Variants in SPG11 observed in about 807,000 individuals in gnomAD.
SPG11 encodes spatacsin.
SPG11 carries 222 observed loss-of-function variants against 274.0 expected under a neutral mutation model. The ratio of observed to expected loss-of-function variants is 0.81; its 90% CI spans 0.73 to 0.91. SPG11 has a LOEUF of 0.91. Among genes scored for constraint, SPG11 ranks in the 40% least tolerant of loss-of-function variants. The pLI is 0.00. For synonymous variants in SPG11, 1,144 were observed against 1,039.7 expected (o/e 1.10, Z -1.93); for missense variants, 3,114 against 2,872.7 (o/e 1.08, Z -1.92).
At chr15:44,581,597 T>TAAA (rs201318366) in intron 30 of SPG11, among the ~76,000 whole-genome samples, 1 of 134,260 alleles carries the variant, frequency 7.4e-6, no homozygotes, top group Non-Finnish European at 1.6e-5. Context: ...AACTGATTAT[T>TAAA]AAAAAAAAAA....
At chr15:44,609,266 G>A (rs2083398429) in intron 18 of SPG11, among the ~76,000 whole-genome samples, 1 of 151,866 alleles carries the variant, frequency 6.6e-6, no homozygotes, top group African/African-American at 2.4e-5. Flanking sequence ...GGAGTAGCTG[G>A]GACTACAGGC....
At position 44,592,405 on chromosome 15, in the gene SPG11, C is replaced by T. The variant is rs369076294; in HGVS notation, c.4669G>A (p.Glu1557Lys). 5 of 1,609,894 alleles carry T rather than the reference C, an allele frequency of 3.1e-6. No individual in the cohort carries two copies. The African/African-American group carries it at 6.7e-5, about 22-fold the overall frequency. ...SPLLLVMEMYELCMFFRNYKE... is the reference protein window; with the variant it reads ...SPLLLVMEMYKLCMFFRNYKE... ...TAATTCCTGAAGAACATACACAGTT[C>T]ATACATCTCCATCACCAGTAGTAAC... is the stretch of plus-strand genomic sequence containing the variant. Residue 1557 changes from glutamate (E) to lysine (K), a missense_variant, in exon 27 of 40, where the codon GAA (glutamate) becomes AAA (lysine). Coordinates refer to ENST00000261866, the MANE Select transcript of SPG11 (RefSeq NM_025137.4).
Position 44,652,268 on chromosome 15 carries a change from T to C in SPG11, c.870-2A>G. 3 of 1,614,008 alleles carry C rather than the reference T, an allele frequency of 1.9e-6. No individual in the cohort carries two copies. The highest frequency in any genetic ancestry group is 2.5e-6 in the Non-Finnish European group (3 of 1,179,962). ...CACAGTAGGTGTCCTGGGTGTTGCC[T>C]ACATTTAAAAATAATGATAGACATA... On this transcript the variant is annotated splice_acceptor_variant, in intron 4 of 39. Coordinates refer to ENST00000261866, the MANE Select transcript of SPG11 (RefSeq NM_025137.4). LOFTEE classifies it high-confidence loss of function.
At chr15:44,564,999 A>G (rs986264232) in intron 38 of SPG11, among the ~76,000 whole-genome samples, 5 of 152,186 alleles carry the variant, frequency 3.3e-5, no homozygotes, top group African/African-American at 4.8e-5. Context: ...AGCCTCCTGC[A>G]TATCTGGGAC....
intron 12 of SPG11, 179 bp from the exon 13 acceptor site, chr15:44,622,526 A>T (rs1366092736): frequency 1.2e-5 from 9 of 755,838 alleles, no homozygotes; most frequent in South Asian, 1.9e-5. Context: ...ATGTTAACAC[A>T]AATTTTCTTT....
chr15:44,568,307 T>C (rs2082349602), intron 35 of SPG11, among the ~76,000 whole-genome samples: 1 of 152,244 alleles, frequency 6.6e-6, no homozygotes, highest in Non-Finnish European at 1.5e-5. Context: ...AAAAACAGTT[T>C]TAAAAACCCT....
At chr15:44,627,409 G>T (rs1048458502) in intron 10 of SPG11, among the ~76,000 whole-genome samples, 2 of 152,048 alleles carry the variant, frequency 1.3e-5, no homozygotes, top group African/African-American at 4.8e-5. Context: ...TGAAGACAGG[G>T]TCTACAATTT....
chr15:44,618,331 ACCT>A (rs2083644277), intron 15 of SPG11, among the ~76,000 whole-genome samples: 1 of 149,420 alleles, frequency 6.7e-6, no homozygotes, highest in Non-Finnish European at 1.5e-5. Context: ...ACATGGTGAA[ACCT>A]CGTCTCTACT....
chr15:44,622,640 C>A, intron 12 of SPG11, 88 bp downstream of exon 12: 1 of 1,105,810 alleles, frequency 9.0e-7, no homozygotes, highest in African/African-American at 1.5e-5. Flanking sequence ...ATTAAAATTA[C>A]TTAAGGTTTT....
At chr15:44,563,427 C>CT in intron 39 of SPG11, 126 bp from the exon 40 acceptor site, 1 of 787,038 alleles carries the variant, frequency 1.3e-6, no homozygotes, top group Admixed American at 2.1e-5. Context: ...CAACCTCCAC[C>CT]TGCTGGGTTC....
rs1174017837 is a variant in SPG11, at chr15:44,598,627, G to A, written c.3892+4C>T. Reference sequence around the variant, plus strand: ...CAAAGCAGGCCAGATAAAAGGTGCTGTACCTACAGACTCTCTGATAAAGCT... The same window carrying A: ...CAAAGCAGGCCAGATAAAAGGTGCTATACCTACAGACTCTCTGATAAAGCT... On this transcript the variant is annotated splice_donor_region_variant and intron_variant, in intron 22 of 39. Transcript: ENST00000261866. 2 of 1,613,716 alleles carry A rather than the reference G, an allele frequency of 1.2e-6. No homozygotes were observed. The highest frequency in any genetic ancestry group is 8.5e-7 in the Non-Finnish European group (1 of 1,179,670).
At chr15:44,642,197 C>A (rs2084470235) in intron 7 of SPG11, among the ~76,000 whole-genome samples, 1 of 150,788 alleles carries the variant, frequency 6.6e-6, no homozygotes, top group Non-Finnish European at 1.5e-5. Context: ...GAAACCCCAT[C>A]TCTACTAAAA....
At chr15:44,648,345 C>T (rs898611048) in intron 7 of SPG11, among the ~76,000 whole-genome samples, 10 of 151,918 alleles carry the variant, frequency 6.6e-5, no homozygotes, top group African/African-American at 2.4e-4. Flanking sequence ...AACCCTGCCT[C>T]TACCAAAAAA....
chr15:44,592,304 A>G, intron 27 of SPG11, 27 bp downstream of exon 27: 1 of 1,390,146 alleles, frequency 7.2e-7, no homozygotes, highest in South Asian at 1.2e-5. Context: ...CAGATCAGTG[A>G]GAAAGAGCAC....
chr15:44,568,068 T>G (rs2082345684), intron 35 of SPG11, among the ~76,000 whole-genome samples: 1 of 152,204 alleles, frequency 6.6e-6, no homozygotes, highest in East Asian at 1.9e-4. Context: ...GCAGGATATT[T>G]CATCTCTTCA....
In SPG11 at chr15:44,575,010, T is replaced by C. The variant is rs1464906163; in HGVS notation, c.5898A>G (p.Thr1966=). 2 of 1,614,098 alleles carry C rather than the reference T, an allele frequency of 1.2e-6. No individual in the cohort carries two copies. Among genetic ancestry groups the C allele is most frequent in the Non-Finnish European group, 1.7e-6 (2 of 1,180,020 alleles). The part of the protein sequence containing the change: ...TSSLDSQKFV[T]VPSSNEVVTN... The stretch of plus-strand genomic sequence containing the variant: ...TTACCACTTCATTACTGGAGGGCAC[T>C]GTCACAAACTTCTGACTATCCAGAC... The change falls in exon 31 of 40, where the codon ACA becomes ACG. Residue 1966 remains threonine (T), a synonymous_variant. Transcript: ENST00000261866.
At chr15:44,637,836 C>A (rs1321386522) in intron 7 of SPG11, among the ~76,000 whole-genome samples, 1 of 151,982 alleles carries the variant, frequency 6.6e-6, no homozygotes, top group Non-Finnish European at 1.5e-5. Context: ...ATAAAACAGC[C>A]CCAGGTAAGT....
intron 29 of SPG11, 82 bp from the exon 30 acceptor site, chr15:44,584,640 A>G: frequency 6.6e-7 from 1 of 1,508,512 alleles, no homozygotes; most frequent in East Asian, 2.3e-5. Flanking sequence ...AGTATATCAT[A>G]CTTGTTTGGA....
intron 4 of SPG11, among the ~76,000 whole-genome samples, chr15:44,652,590 G>A (rs1202728949): frequency 1.3e-5 from 2 of 151,878 alleles, no homozygotes; most frequent in African/African-American, 4.8e-5. Context: ...CCATCTTATA[G>A]AAATGGAAAC....
Sources: allele counts gnomAD v4.1 joint callset (sites outside exome capture counted in the v4.1 genomes callset), GRCh38; gene constraint gnomAD v4.1.1; transcripts MANE v1.5; gene names NCBI Gene and HGNC (gene_info 2026-07-23, HGNC 2026-07-21).